The following ASH1L variants were observed in gnomAD, a reference collection of about 807,000 sequenced individuals.
ASH1L encodes the protein ASH1 like histone lysine methyltransferase.
A neutral mutation model predicts 269.0 loss-of-function variants in ASH1L; 23 were observed. That is an observed-to-expected ratio of 0.09 (90% confidence interval 0.06 to 0.12). ASH1L has a LOEUF of 0.12. Among genes scored for constraint, ASH1L ranks in the 10% least tolerant of loss-of-function variants. ASH1L has a pLI of 1.00. For missense variants in ASH1L, 2,912 were observed against 3,567.8 expected, an observed-to-expected ratio of 0.82 and a Z score of 4.68; for synonymous variants, 1,187 against 1,253.5, an observed-to-expected ratio of 0.95 and a Z score of 1.12.
Position 155,478,038 on chromosome 1 carries a change from A to G in ASH1L, c.4832T>C (p.Ile1611Thr), listed in dbSNP as rs1234401669. ...DEHTNLFTSA[I>T]GSCRVSNPNS... ...AGGGTTTGAAACTCTGCAGCTGCCT[A>G]TTGCACTTGTGAAAAGGTTTGTATG... Residue 1611 changes from isoleucine to threonine, a missense_variant, in exon 3 of 28, where the codon ATA becomes ACA. Transcript: ENST00000392403. This position sits in a 1 kb window ranked among gnomAD's most constrained non-coding sequence, Gnocchi z 4.6. 6.2e-7 allele frequency: 1 copy of G among 1,614,196 alleles called. No homozygotes were observed. The highest frequency in any genetic ancestry group is 8.5e-7 in the Non-Finnish European group (1 of 1,180,040).
Position 155,347,800 on chromosome 1 carries a change from C to T in ASH1L, c.7659G>A (p.Val2553=). Residue 2553 remains valine, a synonymous_variant, in exon 20 of 28, where the codon GTG becomes GTA. Coordinates refer to ENST00000392403, the MANE Select transcript of ASH1L (RefSeq NM_018489.3). The stretch of plus-strand genomic sequence containing the variant: ...TGTCTGCCTCACTTGCTGTCTCTCC[C>T]ACAATCTCATCAATCTGGGCTGATG... ...HEASAQIDEI[V]GETASEADSS... is the part of the protein sequence containing the mutation. 6.2e-7 allele frequency: 1 copy of T among 1,614,226 alleles called. No individual in the cohort carries two copies.
At chr1:155,559,893 G>A (rs1364408620) in intron 1 of ASH1L, among the ~76,000 whole-genome samples, 1 of 152,078 alleles carries the variant, frequency 6.6e-6, no homozygotes, top group African/African-American at 2.4e-5. Flanking sequence ...ACTGAAAAAA[G>A]ACAAACCCAC....
chr1:155,349,346 T>G lies in ASH1L; in HGVS notation c.7535A>C (p.Lys2512Thr). The G allele has an allele frequency of 6.2e-7, 1 of 1,613,162 alleles. No individual in the cohort carries two copies. Among genetic ancestry groups the G allele is most frequent in the Non-Finnish European group, 8.5e-7 (1 of 1,179,372 alleles). ...AAATACCTCAGCATTCCGAAAGACT[T>G]TGAGCATGTCAGCATCAAAAGCTTC... Reference protein sequence around the residue: ...TVEAFDADMLKVFRNAEKYYG... With the variant: ...TVEAFDADMLTVFRNAEKYYG... The change falls in exon 19 of 28, where the codon AAA (lysine) becomes ACA (threonine). Residue 2512 changes from lysine (K) to threonine (T), a missense_variant. Lys to Thr is a moderately conservative substitution (Grantham distance 78). This residue lies in a region of ASH1L where 309 missense variants were observed against 435.1 expected (regional missense o/e 0.71). Transcript: ENST00000392403.
chr1:155,490,410 C>T (rs1340883042), intron 2 of ASH1L, among the ~76,000 whole-genome samples: 1 of 150,578 alleles, frequency 6.6e-6, no homozygotes, highest in Non-Finnish European at 1.5e-5. Context: ...TCAGGAGTTC[C>T]AGACCAGCTT....
chr1:155,361,885 A>T (rs1277702685), intron 12 of ASH1L, among the ~76,000 whole-genome samples: 7 of 152,080 alleles, frequency 4.6e-5, no homozygotes, highest in Non-Finnish European at 8.8e-5. Flanking sequence ...AAAAAAAAAA[A>T]AAAAAAAGGC....
intron 5 of ASH1L, among the ~76,000 whole-genome samples, chr1:155,434,638 GT>G (rs1219629135): frequency 6.6e-6 from 1 of 152,058 alleles, no homozygotes; most frequent in Admixed American, 6.6e-5. Flanking sequence ...GGATCATCAG[GT>G]CAGGAGTTTG....
At chr1:155,416,441 A>G (rs1389729357) in intron 5 of ASH1L, among the ~76,000 whole-genome samples, 1 of 151,992 alleles carries the variant, frequency 6.6e-6, no homozygotes, top group African/African-American at 2.4e-5. Flanking sequence ...AAAGACAATT[A>G]TTATCAGATA....
At chr1:155,420,642 G>A (rs1347495150) in intron 5 of ASH1L, among the ~76,000 whole-genome samples, 2 of 151,332 alleles carry the variant, frequency 1.3e-5, no homozygotes, top group East Asian at 3.9e-4. Context: ...CTTGAGGTCA[G>A]GAGTTTGAGA....
intron 3 of ASH1L, among the ~76,000 whole-genome samples, chr1:155,467,296 CT>C (rs1664764770): frequency 6.6e-6 from 1 of 152,138 alleles, no homozygotes; most frequent in African/African-American, 2.4e-5. Flanking sequence ...TATTTCATGT[CT>C]ACCTAACATA....
chr1:155,477,737 TAAGGAA>T (rs901360477), intron 3 of ASH1L, 143 bp downstream of exon 3: 36 of 736,168 alleles, frequency 4.9e-5, no homozygotes, highest in African/African-American at 3.7e-4. Flanking sequence ...TCTTAAATCT[TAAGGAA>T]AAGGAATACT....
rs988814865 is a variant in ASH1L, at chr1:155,557,574, C to G, written c.-100+4579G>C. Among the ~76,000 whole-genome samples the G allele has an allele frequency of 1.4e-3, 207 of 152,160 alleles. 2 individuals are homozygous for G. Among genetic ancestry groups the G allele is most frequent in the Non-Finnish European group, 5.6e-4 (38 of 68,016 alleles). ...GGATTACAGGTGTGAGCCACCACGC[C>G]CGGCCTAGAAATCATTATTTTAAAG... is the stretch of plus-strand genomic sequence containing the variant. On this transcript the variant is annotated intron_variant, in intron 1 of 27. Coordinates refer to ENST00000392403, the MANE Select transcript of ASH1L (RefSeq NM_018489.3).
chr1:155,459,999 C>T, intron 3 of ASH1L, 101 bp from the exon 4 acceptor site: 1 of 770,162 alleles, frequency 1.3e-6, no homozygotes, highest in Non-Finnish European at 2.0e-6. Context: ...GTTGCTGCCA[C>T]TGTCATCCCC....
intron 2 of ASH1L, among the ~76,000 whole-genome samples, chr1:155,507,624 T>C (rs72995115): frequency 0.056 from 8,535 of 152,084 alleles, 813 homozygotes; most frequent in African/African-American, 0.2. Flanking sequence ...GTAATCCCAG[T>C]ATGTTGGGAG....
At chr1:155,556,626 A>G (rs1344030629) in intron 1 of ASH1L, among the ~76,000 whole-genome samples, 1 of 152,028 alleles carries the variant, frequency 6.6e-6, no homozygotes, top group African/African-American at 2.4e-5. Flanking sequence ...TATTTTTAGT[A>G]GAGACGGGGT....
At chr1:155,448,689 G>A (rs1663223759) in intron 4 of ASH1L, among the ~76,000 whole-genome samples, 1 of 152,018 alleles carries the variant, frequency 6.6e-6, no homozygotes, top group South Asian at 2.1e-4. Context: ...TAGAGACTGG[G>A]TTTCACCATG....
chr1:155,348,911 T>TACACAC (rs59676231), intron 19 of ASH1L, among the ~76,000 whole-genome samples: 35 of 140,404 alleles, frequency 2.5e-4, no homozygotes, highest in African/African-American at 8.0e-4. Flanking sequence ...TATATATATA[T>TACACAC]ACACACACAC....
rs542063669 is a variant in ASH1L, at chr1:155,337,525, C to T, written c.*135G>A. 3.7e-5 allele frequency: 26 copies of T among 709,220 alleles called. No homozygotes were observed. The South Asian group carries it at 3.9e-4, about 11-fold the overall frequency. The allele number at this position is 709,220 out of a possible 1,614,324, so 43.9% of individuals were successfully genotyped here. A position where few individuals can be genotyped will look rare whatever the true frequency, so the allele number is the denominator to read the frequency against. On this transcript the variant is annotated 3_prime_UTR_variant, in exon 28 of 28. Coordinates refer to ENST00000392403, the MANE Select transcript of ASH1L (RefSeq NM_018489.3). ...ACTAGCTCCAAGGCTTATTAAGTACCTAATGTCAACAACATGGCCCCATTC... is the reference window on the plus strand; with the variant it reads ...ACTAGCTCCAAGGCTTATTAAGTACTTAATGTCAACAACATGGCCCCATTC...
intron 7 of ASH1L, among the ~76,000 whole-genome samples, chr1:155,394,848 G>A (rs1294963555): frequency 1.3e-5 from 2 of 152,130 alleles, no homozygotes; most frequent in Non-Finnish European, 2.9e-5. Flanking sequence ...ATTTTTGAAC[G>A]TGGAAAATAT....
At chr1:155,539,544 C>A (rs1254248315) in intron 1 of ASH1L, among the ~76,000 whole-genome samples, 1 of 152,044 alleles carries the variant, frequency 6.6e-6, no homozygotes, top group African/African-American at 2.4e-5. Context: ...GCAGTCCCAA[C>A]CTCCTGGGCC....
Sources: allele counts gnomAD v4.1 joint callset (sites outside exome capture counted in the v4.1 genomes callset), GRCh38; gene constraint gnomAD v4.1.1; regional missense constraint gnomAD v4.1.1; non-coding constraint Gnocchi (gnomAD v3.1); transcripts MANE v1.5; gene names NCBI Gene and HGNC (gene_info 2026-07-23, HGNC 2026-07-21).